PRDM11: variants seen among roughly 807,000 people sequenced by gnomAD.
PRDM11 encodes PR domain-containing protein 11.
PRDM11 carries 20 observed loss-of-function variants against 97.8 expected under a neutral mutation model. The ratio of observed to expected loss-of-function variants is 0.20; its 90% CI spans 0.14 to 0.30. PRDM11 has a LOEUF of 0.30. Ranked by LOEUF, PRDM11 falls within the 10% of genes least tolerant of loss-of-function variation. The pLI is 1.00. For synonymous variants in PRDM11, 599 were observed against 637.7 expected, an observed-to-expected ratio of 0.94 and a Z score of 0.91; for missense variants, 1,139 against 1,555.2, an observed-to-expected ratio of 0.73 and a Z score of 4.50.
At position 45,219,710 on chromosome 11, in the gene PRDM11, G is replaced by A. The variant is rs747124010; in HGVS notation, c.695G>A (p.Arg232His). ...TGGTACAGCGAGGACTACATGAAGC[G>A]CCTGCACAGCATGTCCCAGGAAACC... is the stretch of plus-strand genomic sequence containing the variant. Reference protein sequence around the residue: ...RVWYSEDYMKRLHSMSQETIH... With the variant: ...RVWYSEDYMKHLHSMSQETIH... The change falls in exon 6 of 8, where the codon CGC (arginine) becomes CAC (histidine). Residue 232 changes from arginine to histidine, a missense_variant. Coordinates refer to ENST00000683152, the MANE Select transcript of PRDM11 (RefSeq NM_001384648.1). This position sits in a 1 kb window ranked among gnomAD's most constrained non-coding sequence, Gnocchi z 4.2. The A allele has an allele frequency of 7.4e-6, 12 of 1,613,890 alleles. No homozygotes were observed. The highest frequency in any genetic ancestry group is 1.3e-5 in the African/African-American group (1 of 74,898).
At chr11:45,107,466 G>A (rs918303624) in intron 1 of PRDM11, among the ~76,000 whole-genome samples, 1 of 152,240 alleles carries the variant, frequency 6.6e-6, no homozygotes, top group South Asian at 2.1e-4. Context: ...ACATGGTTTT[G>A]TGTATACAGT....
At chr11:45,164,414 G>A (rs867606037) in intron 1 of PRDM11, among the ~76,000 whole-genome samples, 2 of 152,226 alleles carry the variant, frequency 1.3e-5, no homozygotes, top group African/African-American at 2.4e-5. Context: ...TAAATTACTC[G>A]GCAGCCTTTG....
chr11:45,220,366 G>A (rs896548664), intron 6 of PRDM11, among the ~76,000 whole-genome samples: 8 of 152,192 alleles, frequency 5.3e-5, no homozygotes, highest in African/African-American at 1.4e-4. Flanking sequence ...TCCCTACCCT[G>A]TCAGTGCACC....
intron 3 of PRDM11, 26 bp from the exon 4 acceptor site, chr11:45,182,835 C>T (rs1005837460): frequency 7.8e-6 from 12 of 1,548,336 alleles, no homozygotes; most frequent in Non-Finnish European, 1.0e-5. Context: ...CAACTGAGGC[C>T]CTCCCTTCTC....
At chr11:45,168,696 A>C (rs1852128441) in intron 1 of PRDM11, among the ~76,000 whole-genome samples, 1 of 152,114 alleles carries the variant, frequency 6.6e-6, no homozygotes, top group African/African-American at 2.4e-5. Flanking sequence ...TGGCTTCCTC[A>C]CTACATCATG....
At position 45,228,535 on chromosome 11, in the gene PRDM11, T is replaced by G. The variant is rs1854333141; in HGVS notation, c.*376T>G. ...TCACCTTTAGGTAGCTCATTTTGTT[T>G]ATGTTTTCATTTGCGGGTGGCGGGG... On this transcript the variant is annotated 3_prime_UTR_variant, in exon 8 of 8. Coordinates refer to ENST00000683152, the MANE Select transcript of PRDM11 (RefSeq NM_001384648.1). 6.6e-6 allele frequency: 1 copy of G among 152,082 alleles called. No homozygotes were observed. 9.4% of individuals were successfully genotyped at this position (152,082 alleles called of 1,614,324 possible). A position where few individuals can be genotyped will look rare whatever the true frequency, so the allele number is the denominator to read the frequency against.
chr11:45,125,552 T>G (rs1463162835), intron 1 of PRDM11, among the ~76,000 whole-genome samples: 1 of 152,216 alleles, frequency 6.6e-6, no homozygotes, highest in African/African-American at 2.4e-5. Flanking sequence ...TTTGTTCTCA[T>G]TGGTTTCAAA....
chr11:45,177,397 G>C (rs1256932550), intron 1 of PRDM11, among the ~76,000 whole-genome samples: 2 of 152,228 alleles, frequency 1.3e-5, no homozygotes, highest in Non-Finnish European at 2.9e-5. Context: ...GGTAGGACTA[G>C]AGCATTCTTC....
rs1265346156 is a variant in PRDM11, at chr11:45,226,872, C to T, written c.2247C>T (p.Arg749=). Residue 749 remains arginine (R), a synonymous_variant, in exon 8 of 8, where the codon CGC becomes CGT. Coordinates refer to ENST00000683152, the MANE Select transcript of PRDM11 (RefSeq NM_001384648.1). The part of the protein sequence containing the change: ...SLRASMFMTI[R]KTLPWLLCLP... ...GTGCCAGCATGTTCATGACCATCCG[C>T]AAGACGCTGCCCTGGCTGCTGTGCC... The T allele has an allele frequency of 4.6e-6, 7 of 1,533,870 alleles. No homozygotes were observed. In the East Asian group the frequency reaches 1.7e-4, roughly 37 times the overall value.
intron 4 of PRDM11, 53 bp downstream of exon 4, chr11:45,183,176 A>C (rs777528754): frequency 3.2e-4 from 496 of 1,564,054 alleles, no homozygotes; most frequent in Non-Finnish European, 4.0e-4. Context: ...ACATGGAAGG[A>C]AACCACCAGG....
At chr11:45,157,376 G>T (rs552746465) in intron 1 of PRDM11, among the ~76,000 whole-genome samples, 1 of 152,126 alleles carries the variant, frequency 6.6e-6, no homozygotes, top group South Asian at 2.1e-4. Context: ...TAGGGTTCGC[G>T]TCCTATGATA....
At chr11:45,218,511 A>G (rs1355364814) in intron 5 of PRDM11, among the ~76,000 whole-genome samples, 1 of 152,258 alleles carries the variant, frequency 6.6e-6, no homozygotes, top group Non-Finnish European at 1.5e-5. Flanking sequence ...TCATTGGGCT[A>G]CACCAATCAG....
intron 7 of PRDM11, chr11:45,225,101 G>T (rs1854242305): frequency 7.0e-7 from 1 of 1,432,394 alleles, no homozygotes; most frequent in Non-Finnish European, 9.1e-7. Flanking sequence ...AGGGGTGTGT[G>T]CTGTGTTCTT....
chr11:45,174,152 C>T (rs1852271571), intron 1 of PRDM11, among the ~76,000 whole-genome samples: 1 of 152,132 alleles, frequency 6.6e-6, no homozygotes, highest in Non-Finnish European at 1.5e-5. Context: ...AGTCTGTACT[C>T]TTTGGGGGTC....
intron 1 of PRDM11, among the ~76,000 whole-genome samples, chr11:45,101,567 A>AAAAAAAGAAG (rs767802218): frequency 2.1e-5 from 2 of 96,834 alleles, no homozygotes; most frequent in African/African-American, 9.8e-5. Flanking sequence ...AAAAAAAAAA[A>AAAAAAAGAAG]AAGAAGAAGA....
chr11:45,122,061 G>C (rs1469809856), intron 1 of PRDM11, among the ~76,000 whole-genome samples: 1 of 151,806 alleles, frequency 6.6e-6, no homozygotes, highest in East Asian at 1.9e-4. Flanking sequence ...GAAAGAAATA[G>C]TAAAGATGAA....
chr11:45,095,526 A>G (rs543064782), upstream of PRDM11, among the ~76,000 whole-genome samples: 1 of 152,186 alleles, frequency 6.6e-6, no homozygotes, highest in South Asian at 2.1e-4. Context: ...CTCATCATCT[A>G]TTCTCCCCTC....
At chr11:45,189,955 T>C (rs1009752410) in intron 4 of PRDM11, among the ~76,000 whole-genome samples, 2 of 152,108 alleles carry the variant, frequency 1.3e-5, no homozygotes, top group Admixed American at 6.5e-5. Context: ...AGCAGGTGCT[T>C]TTCATGCTTG....
rs902672426 is a variant in PRDM11, at chr11:45,233,290, G to C, written c.*5131G>C. On this transcript the variant is annotated 3_prime_UTR_variant, in exon 8 of 8. Transcript: ENST00000683152. The stretch of plus-strand genomic sequence containing the variant: ...GGCTGGCAAGGGGGCCTCCTACCCG[G>C]AGTGTTGGAGAGGAGAGTGGCTGGG... The C allele has an allele frequency of 6.6e-6, 1 of 152,256 alleles. No homozygotes were observed. The highest frequency in any genetic ancestry group is 2.4e-5 in the African/African-American group (1 of 41,438). 9.4% of individuals were successfully genotyped at this position (152,256 alleles called of 1,614,324 possible). A position where few individuals can be genotyped will look rare whatever the true frequency, so the allele number is the denominator to read the frequency against.
Sources: allele counts gnomAD v4.1 joint callset (sites outside exome capture counted in the v4.1 genomes callset), GRCh38; gene constraint gnomAD v4.1.1; non-coding constraint Gnocchi (gnomAD v3.1); transcripts MANE v1.5; gene names NCBI Gene and HGNC (gene_info 2026-07-23, HGNC 2026-07-21).